DCP1A: variants seen among roughly 807,000 people sequenced by gnomAD.
DCP1A encodes the protein decapping mRNA 1A, also known as mRNA-decapping enzyme 1A.
Under a neutral mutation model 58.0 loss-of-function variants are expected in DCP1A, and 20 were observed. That is an observed-to-expected ratio of 0.34 (90% CI 0.24 to 0.50). The LOEUF (loss-of-function observed/expected upper bound fraction) is 0.50, where lower values mean the gene tolerates loss of function less well. Ranked by LOEUF, DCP1A falls within the 20% of genes least tolerant of loss-of-function variation. DCP1A has a pLI of 0.98. For missense variants in DCP1A, 613 were observed against 712.2 expected (o/e 0.86, Z 1.59); for synonymous variants, 285 against 275.1 (o/e 1.04, Z -0.36).
chr3:53,299,530 C>T (rs1707244564), intron 6 of DCP1A, among the ~76,000 whole-genome samples: 1 of 152,190 alleles, frequency 6.6e-6, no homozygotes, highest in Non-Finnish European at 1.5e-5. Flanking sequence ...GAGAATTTTA[C>T]ATGTCTGTTT....
At chr3:53,290,482 T>C (rs1706815349) in intron 8 of DCP1A, among the ~76,000 whole-genome samples, 1 of 151,974 alleles carries the variant, frequency 6.6e-6, no homozygotes, top group African/African-American at 2.4e-5. Flanking sequence ...GCCACAGCAA[T>C]GGACTCTGCC....
chr3:53,325,143 A>G (rs942810903), intron 3 of DCP1A, among the ~76,000 whole-genome samples: 3 of 152,230 alleles, frequency 2.0e-5, no homozygotes, highest in Non-Finnish European at 4.4e-5. Flanking sequence ...ATAGCAACCT[A>G]TTATGATTTC....
At position 53,347,497 on chromosome 3, in the gene DCP1A, A is replaced by T; in HGVS notation, c.21T>A (p.Ala7=). The change falls in exon 1 of 10, where the codon GCT becomes GCA. Residue 7 remains alanine, a synonymous_variant. Transcript: ENST00000610213. MEALSR[A]GQEMSLAALK... ...GGGCCGCTAGGCTCATCTCCTGCCC[A>T]GCTCGACTCAGCGCCTCCATCTTGA... 6.2e-7 allele frequency: 1 copy of T among 1,612,384 alleles called. No homozygotes were observed. Among genetic ancestry groups the T allele is most frequent in the Non-Finnish European group, 8.5e-7 (1 of 1,179,054 alleles).
intron 6 of DCP1A, 60 bp from the exon 7 acceptor site, chr3:53,292,887 C>A: frequency 6.6e-7 from 1 of 1,508,960 alleles, no homozygotes; most frequent in Non-Finnish European, 8.8e-7. Flanking sequence ...CATAACCAAA[C>A]TTCTTTTCCA....
At chr3:53,333,109 C>T (rs2089043066) in intron 3 of DCP1A, 1 of 149,714 alleles carries the variant, frequency 6.7e-6, no homozygotes, top group African/African-American at 2.5e-5. Context: ...CAGAACTAGA[C>T]AAAATTTTCA....
Position 53,287,295 on chromosome 3 carries a change from T to A in DCP1A, c.*285A>T. The A allele has an allele frequency of 3.2e-6, 1 of 308,824 alleles. No homozygotes were observed. Among genetic ancestry groups the A allele is most frequent in the Non-Finnish European group, 5.9e-6 (1 of 169,214 alleles). 19.1% of individuals were successfully genotyped at this position (308,824 alleles called of 1,614,324 possible). On this transcript the variant is annotated 3_prime_UTR_variant, in exon 10 of 10. Transcript: ENST00000610213. ...CTGACTCCTTATTCCACAGCCTTGC[T>A]CCTAGCTGATGAAAACACCCACATA...
intron 5 of DCP1A, among the ~76,000 whole-genome samples, chr3:53,305,971 G>GC (rs1559688495): frequency 1.3e-5 from 2 of 152,146 alleles, no homozygotes; most frequent in African/African-American, 4.8e-5. Context: ...GAATATTTGT[G>GC]CTATCTGATC....
At chr3:53,332,238 A>G (rs1431032149) in intron 3 of DCP1A, among the ~76,000 whole-genome samples, 1 of 152,220 alleles carries the variant, frequency 6.6e-6, no homozygotes, top group Middle Eastern at 3.2e-3. Context: ...TGAATAGAAC[A>G]TTCCTCTCAG....
At chr3:53,297,828 A>C (rs58287814) in intron 6 of DCP1A, among the ~76,000 whole-genome samples, 135 of 152,356 alleles carry the variant, frequency 8.9e-4, no homozygotes, top group African/African-American at 3.1e-3. Context: ...AAATGGCAGG[A>C]CATGGAGAAA....
At chr3:53,331,258 T>G (rs1343343821) in intron 3 of DCP1A, among the ~76,000 whole-genome samples, 2 of 152,170 alleles carry the variant, frequency 1.3e-5, no homozygotes, top group African/African-American at 4.8e-5. Flanking sequence ...TATTAATACT[T>G]TCAATTAACC....
At chr3:53,290,420 TAC>T (rs1261563934) in intron 8 of DCP1A, among the ~76,000 whole-genome samples, 1 of 151,956 alleles carries the variant, frequency 6.6e-6, no homozygotes, top group Non-Finnish European at 1.5e-5. Flanking sequence ...CCGTGCCCTC[TAC>T]ACACACAGTC....
At chr3:53,344,227 G>T (rs1220262007) in intron 2 of DCP1A, among the ~76,000 whole-genome samples, 1 of 152,072 alleles carries the variant, frequency 6.6e-6, no homozygotes, top group African/African-American at 2.4e-5. Flanking sequence ...ACCTGCCCTT[G>T]TAAGAGTTAA....
chr3:53,296,033 T>C (rs554559476), intron 6 of DCP1A, among the ~76,000 whole-genome samples: 67 of 152,120 alleles, frequency 4.4e-4, no homozygotes, highest in Non-Finnish European at 8.1e-4. Context: ...GCTGGGATTA[T>C]AGGCGTGCGT....
intron 1 of DCP1A, among the ~76,000 whole-genome samples, chr3:53,345,694 T>C (rs1309650770): frequency 6.6e-6 from 1 of 152,204 alleles, no homozygotes; most frequent in Non-Finnish European, 1.5e-5. Context: ...GTTAGTCATA[T>C]ATTGAATGTG....
chr3:53,343,218 A>T (rs192908545), intron 2 of DCP1A, among the ~76,000 whole-genome samples: 48 of 152,356 alleles, frequency 3.2e-4, no homozygotes, highest in Middle Eastern at 3.4e-3. Context: ...ATGAGTTACA[A>T]ATAATATAAC....
At position 53,329,353 on chromosome 3, in the gene DCP1A, A is replaced by G. The variant is rs1708197145; in HGVS notation, c.305-9880T>C. ...TTTCTAGTGATCTAATTTTCATTAAAAGCACTATGTATCAAGAGATCGATG... is the reference window on the plus strand; with the variant it reads ...TTTCTAGTGATCTAATTTTCATTAAGAGCACTATGTATCAAGAGATCGATG... On this transcript the variant is annotated intron_variant, in intron 3 of 9. Coordinates refer to ENST00000610213, the MANE Select transcript of DCP1A (RefSeq NM_018403.7). 2.0e-5 allele frequency: 8 copies of G among 398,576 alleles called. No individual in the cohort carries two copies. In the East Asian group the frequency reaches 2.9e-4, roughly 14 times the overall value. The allele number at this position is 398,576 out of a possible 1,614,324, so 24.7% of individuals were successfully genotyped here.
intron 3 of DCP1A, among the ~76,000 whole-genome samples, chr3:53,335,164 A>T (rs1173612478): frequency 6.6e-6 from 1 of 151,686 alleles, no homozygotes; most frequent in East Asian, 1.9e-4. Flanking sequence ...TTTTTGAGAC[A>T]GAGTCTCACT....
chr3:53,328,271 C>T (rs571513948), intron 3 of DCP1A, among the ~76,000 whole-genome samples: 36 of 152,304 alleles, frequency 2.4e-4, no homozygotes, highest in Admixed American at 1.7e-3. Context: ...AGAGGAGCTT[C>T]GCTTAGACTA....
At position 53,320,963 on chromosome 3, in the gene DCP1A, C is replaced by T. The variant is rs186656771; in HGVS notation, c.305-1490G>A. Among the ~76,000 whole-genome samples the T allele has an allele frequency of 4.7e-3, 720 of 152,354 alleles. 5 individuals are homozygous for T. The highest frequency in any genetic ancestry group is 0.017 in the African/African-American group (697 of 41,578). On this transcript the variant is annotated intron_variant, in intron 3 of 9. Coordinates refer to ENST00000610213, the MANE Select transcript of DCP1A (RefSeq NM_018403.7). ...CTCCACTGACTTCATGGAAGGGAGA[C>T]GCAGAAGTCCCCTGGCGGCCAATTA...
Sources: allele counts gnomAD v4.1 joint callset (sites outside exome capture counted in the v4.1 genomes callset), GRCh38; gene constraint gnomAD v4.1.1; transcripts MANE v1.5; gene names NCBI Gene and HGNC (gene_info 2026-07-23, HGNC 2026-07-21).